COL19A1: variants seen among roughly 807,000 people sequenced by gnomAD.
The protein encoded by COL19A1 is collagen alpha-1(XIX) chain.
Under a neutral mutation model 190.2 loss-of-function variants are expected in COL19A1, and 159 were observed. The ratio of observed to expected loss-of-function variants is 0.84; its 90% CI spans 0.73 to 0.95. The LOEUF (loss-of-function observed/expected upper bound fraction) is 0.95, where lower values mean the gene tolerates loss of function less well. Ranked by LOEUF, COL19A1 falls within the 40% of genes least tolerant of loss-of-function variation. The pLI is 0.00. For synonymous variants in COL19A1, 509 were observed against 458.9 expected (o/e 1.11, Z -1.39); for missense variants, 1,418 against 1,431.9 (o/e 0.99, Z 0.16).
intron 14 of COL19A1, among the ~76,000 whole-genome samples, chr6:70,067,488 G>A (rs1781308304): frequency 6.6e-6 from 1 of 152,108 alleles, no homozygotes; most frequent in Non-Finnish European, 1.5e-5. Flanking sequence ...AGGATCCTGA[G>A]TTCAGCATTT....
chr6:70,203,680 T>A (rs1767688387), intron 49 of COL19A1, among the ~76,000 whole-genome samples: 2 of 151,054 alleles, frequency 1.3e-5, no homozygotes, highest in Non-Finnish European at 2.9e-5. Context: ...TAGAAGTAAA[T>A]CTCTGGAGTC....
intron 4 of COL19A1, among the ~76,000 whole-genome samples, chr6:69,901,938 A>G (rs1285775244): frequency 6.6e-6 from 1 of 152,152 alleles, no homozygotes. Context: ...AGACAATGCT[A>G]TTTCTTTTTA....
chr6:69,989,357 G>A (rs1379871663), intron 11 of COL19A1, among the ~76,000 whole-genome samples: 3 of 151,784 alleles, frequency 2.0e-5, no homozygotes, highest in Non-Finnish European at 4.4e-5. Context: ...TTCCTTTTTC[G>A]GAATCCTGTG....
intron 17 of COL19A1, among the ~76,000 whole-genome samples, chr6:70,122,256 A>G (rs1269485026): frequency 1.3e-5 from 2 of 152,206 alleles, no homozygotes; most frequent in Non-Finnish European, 2.9e-5. Context: ...GAAAGAAATT[A>G]TTTGATACTT....
intron 17 of COL19A1, among the ~76,000 whole-genome samples, chr6:70,122,660 C>A (rs995034358): frequency 6.6e-6 from 1 of 152,132 alleles, no homozygotes; most frequent in African/African-American, 2.4e-5. Context: ...TCATTGATTT[C>A]TTGCACCACA....
Position 70,176,531 on chromosome 6 carries a change from C to G in COL19A1, c.2634C>G (p.Gly878=). The change falls in exon 42 of 51, where the codon GGC becomes GGG. Residue 878 remains glycine, a synonymous_variant. Coordinates refer to ENST00000620364, the MANE Select transcript of COL19A1 (RefSeq NM_001858.6). ...TTAAATCCCAACAGGGAGATCGAGGCCCAGCAGGTCCCCCAGGAATAGCAG... is the reference window on the plus strand; with the variant it reads ...TTAAATCCCAACAGGGAGATCGAGGGCCAGCAGGTCCCCCAGGAATAGCAG... ...EGFPGVKGDR[G]PAGPPGIAGM... The G allele has an allele frequency of 6.2e-7, 1 of 1,613,488 alleles. No homozygotes were observed. Among genetic ancestry groups the G allele is most frequent in the East Asian group, 2.2e-5 (1 of 44,840 alleles).
At chr6:70,148,361 A>G (rs80288683) in intron 27 of COL19A1, among the ~76,000 whole-genome samples, 4,354 of 152,092 alleles carry the variant, frequency 0.029, 89 homozygotes, top group Non-Finnish European at 0.049. Flanking sequence ...ACCAGGGTCA[A>G]AAAACAAGTA....
intron 3 of COL19A1, among the ~76,000 whole-genome samples, 196 bp from the exon 4 acceptor site, chr6:69,900,043 C>T (rs895306998): frequency 2.0e-5 from 3 of 151,958 alleles, no homozygotes; most frequent in Non-Finnish European, 2.9e-5. Context: ...AATGGCTACA[C>T]GTTCTATATG....
At chr6:69,944,183 G>A (rs1054044369) in intron 9 of COL19A1, among the ~76,000 whole-genome samples, 11 of 151,910 alleles carry the variant, frequency 7.2e-5, no homozygotes, top group African/African-American at 2.4e-4. Context: ...AAATAAAAAG[G>A]CCTTCTGGCA....
chr6:69,868,426 G>A (rs1339598572), intron 1 of COL19A1, among the ~76,000 whole-genome samples: 1 of 152,078 alleles, frequency 6.6e-6, no homozygotes, highest in African/African-American at 2.4e-5. Flanking sequence ...TCTTCAGGAT[G>A]AAAAAGAGGA....
rs568905807 is a variant in COL19A1, at chr6:70,153,232, A to G, written c.2079+1794A>G. On this transcript the variant is annotated intron_variant, in intron 31 of 50. Coordinates refer to ENST00000620364, the MANE Select transcript of COL19A1 (RefSeq NM_001858.6). ...TGTTAAATCCTGATCTTGTTACCCT[A>G]TATGTTAACACTATCTCTCTCTGCC... 2.0e-5 allele frequency among the ~76,000 whole-genome samples: 3 copies of G among 152,244 alleles called. No homozygotes were observed. The East Asian group carries it at 5.8e-4, about 29-fold the overall frequency.
intron 33 of COL19A1, 29 bp downstream of exon 33, chr6:70,156,398 T>C: frequency 6.2e-7 from 1 of 1,604,900 alleles, no homozygotes; most frequent in South Asian, 1.1e-5. Flanking sequence ...CACTTTCCCC[T>C]GTGGGAACCT....
intron 5 of COL19A1, 143 bp downstream of exon 5, chr6:69,928,175 A>G: frequency 1.9e-6 from 2 of 1,074,220 alleles, no homozygotes; most frequent in Non-Finnish European, 2.6e-6. Context: ...AAGAAAATGC[A>G]AGTATTCTCG....
chr6:70,192,268 C>CA (rs1467753461), intron 48 of COL19A1, among the ~76,000 whole-genome samples: 19 of 151,962 alleles, frequency 1.3e-4, no homozygotes, highest in Non-Finnish European at 2.1e-4. Flanking sequence ...ACCATGTTGG[C>CA]AAAAAATGTT....
chr6:70,053,758 T>A (rs1225942342), intron 14 of COL19A1, among the ~76,000 whole-genome samples: 1 of 151,148 alleles, frequency 6.6e-6, no homozygotes, highest in Admixed American at 6.6e-5. Flanking sequence ...ATATAAAAAT[T>A]GCCAGCATAT....
chr6:70,145,796 C>A (rs1786597333), intron 25 of COL19A1, among the ~76,000 whole-genome samples: 2 of 143,162 alleles, frequency 1.4e-5, no homozygotes, highest in Non-Finnish European at 3.0e-5. Flanking sequence ...TTATGGATCA[C>A]TGCAGCCTCC....
At chr6:70,184,137 T>C (rs1305938385) in intron 44 of COL19A1, among the ~76,000 whole-genome samples, 1 of 152,208 alleles carries the variant, frequency 6.6e-6, no homozygotes, top group Non-Finnish European at 1.5e-5. Context: ...TATTTCCAAC[T>C]GAAAAATAAC....
intron 9 of COL19A1, among the ~76,000 whole-genome samples, chr6:69,948,051 G>A (rs1773922533): frequency 6.6e-6 from 1 of 151,734 alleles, no homozygotes; most frequent in South Asian, 2.1e-4. Flanking sequence ...TTTCTCTAGA[G>A]AATATTACTT....
intron 48 of COL19A1, among the ~76,000 whole-genome samples, chr6:70,193,132 G>T (rs143711885): frequency 2.6e-5 from 4 of 151,106 alleles, no homozygotes; most frequent in African/African-American, 9.7e-5. Context: ...TTGAGATATA[G>T]AAGGTGTTCG....
Sources: allele counts gnomAD v4.1 joint callset (sites outside exome capture counted in the v4.1 genomes callset), GRCh38; gene constraint gnomAD v4.1.1; transcripts MANE v1.5; gene names NCBI Gene and HGNC (gene_info 2026-07-23, HGNC 2026-07-21).